The following ATAD3B variants were observed in gnomAD, a reference collection of about 807,000 sequenced individuals.
The protein encoded by ATAD3B is ATPase family AAA domain-containing protein 3B.
ATAD3B carries 59 observed loss-of-function variants against 70.2 expected under a neutral mutation model. The observed-to-expected ratio is 0.84, with a 90% CI of 0.68 to 1.04. The LOEUF (loss-of-function observed/expected upper bound fraction) is 1.04. ATAD3B is among the 50% of genes least tolerant of loss of function. ATAD3B has a pLI of 0.00. For synonymous variants in ATAD3B, 423 were observed against 388.6 expected, an observed-to-expected ratio of 1.09 and a Z score of -1.04; for missense variants, 961 against 913.4, an observed-to-expected ratio of 1.05 and a Z score of -0.67.
rs527434054 is a variant in ATAD3B at position 1,489,332 on chromosome 1, G to T, written c.1337+58G>T. ...GCAGGGCTGTGCAGCCGTCGCCCTT[G>T]GTTCCCACTGAGGGTCCCTGGCTCA... On this transcript the variant is annotated intron_variant, in intron 13 of 15. Transcript: ENST00000673477. The T allele has an allele frequency of 2.5e-5, 40 of 1,610,002 alleles. No individual in the cohort carries two copies. In the East Asian group the frequency reaches 6.5e-4, roughly 26 times the overall value.
chr1:1,478,299 C>G (rs1639705327), intron 2 of ATAD3B: 2 of 964,806 alleles, frequency 2.1e-6, no homozygotes, highest in Non-Finnish European at 3.0e-6. Flanking sequence ...GCCCGGCCCA[C>G]TCAGCAGGAT....
chr1:1,486,800 C>G (rs1457301612), intron 11 of ATAD3B, 132 bp downstream of exon 11: 1 of 1,484,756 alleles, frequency 6.7e-7, no homozygotes, highest in Non-Finnish European at 9.0e-7. Flanking sequence ...CGCAGGAGGC[C>G]CAATGGAGGG....
chr1:1,492,443 G>A lies in ATAD3B; in HGVS notation c.1614+1772G>A, dbSNP rs1426475927. Among the ~76,000 whole-genome samples the A allele has an allele frequency of 1.3e-5, 2 of 151,766 alleles. 1 individual carries two copies. Among genetic ancestry groups the A allele is most frequent in the Non-Finnish European group, 2.9e-5 (2 of 67,936 alleles). On this transcript the variant is annotated intron_variant, in intron 15 of 15. Coordinates refer to ENST00000673477, the MANE Select transcript of ATAD3B (RefSeq NM_031921.6). ...AGAGGATGCGGTGAGCTGAGATCAT[G>A]CCACTGCACTGTAGCCTGAGGGACA...
Position 1,496,784 on chromosome 1 carries a change from C to G in ATAD3B, c.*967C>G, listed in dbSNP as rs1640811182. 1 of 148,144 alleles carries G rather than the reference C, an allele frequency of 6.8e-6. No homozygotes were observed. The highest frequency in any genetic ancestry group is 2.6e-5 in the African/African-American group (1 of 39,068). 9.2% of individuals were successfully genotyped at this position (148,144 alleles called of 1,614,324 possible). A position where few individuals can be genotyped will look rare whatever the true frequency, so the allele number is the denominator to read the frequency against. On this transcript the variant is annotated 3_prime_UTR_variant, in exon 16 of 16. Coordinates refer to ENST00000673477, the MANE Select transcript of ATAD3B (RefSeq NM_031921.6). ...ACTGCAGCCCCTGTCCCCGCTGGCC[C>G]AGGCTTCCGGAGGCAGCTGCGTCCC... is the stretch of plus-strand genomic sequence containing the variant.
At chr1:1,500,785 C>G (rs1044916084), downstream of ATAD3B, among the ~76,000 whole-genome samples, 3 of 150,866 alleles carry the variant, frequency 2.0e-5, no homozygotes, top group African/African-American at 7.3e-5. Context: ...AACCCCGTCT[C>G]TACTAAAAAT....
intron 1 of ATAD3B, among the ~76,000 whole-genome samples, chr1:1,476,107 CT>C (rs1406453744): frequency 2.1e-5 from 3 of 142,008 alleles, no homozygotes; most frequent in Admixed American, 6.9e-5. Context: ...TGACCTGGCA[CT>C]GTCTTCCCTG....
At chr1:1,482,780 T>C (rs537733032) in intron 7 of ATAD3B, 166 bp downstream of exon 7, 19 of 1,134,276 alleles carry the variant, frequency 1.7e-5, no homozygotes, top group Admixed American at 1.4e-4. Context: ...CCTCCCTCCT[T>C]GAGCTGGGAG....
At chr1:1,482,796 A>C in intron 7 of ATAD3B, 182 bp downstream of exon 7, 12 of 973,812 alleles carry the variant, frequency 1.2e-5, no homozygotes, top group Non-Finnish European at 1.8e-5. Flanking sequence ...GGGAGAAAAA[A>C]ATGCAGTTGC....
At position 1,487,920 on chromosome 1, in the gene ATAD3B, T is replaced by C. The variant is rs774024590; in HGVS notation, c.1266+6T>C. On this transcript the variant is annotated splice_donor_region_variant and intron_variant, in intron 12 of 15. Transcript: ENST00000673477. The stretch of plus-strand genomic sequence containing the variant: ...TCCTTCGGAAGCGAGCCACTGTGAG[T>C]GTCACTAAGCCTCTGTCTGGCCACA... 5 of 1,612,878 alleles carry C rather than the reference T, an allele frequency of 3.1e-6. No individual in the cohort carries two copies. In the South Asian group the frequency reaches 4.4e-5, roughly 14 times the overall value.
At chr1:1,489,680 G>A in intron 13 of ATAD3B, 1 of 1,319,970 alleles carries the variant, frequency 7.6e-7, no homozygotes, top group Non-Finnish European at 1.0e-6. Flanking sequence ...TTGGTCTCCT[G>A]GGCCCCTCCA....
chr1:1,482,013 G>C (rs1227787134), intron 5 of ATAD3B, 125 bp from the exon 6 acceptor site: 19 of 1,437,406 alleles, frequency 1.3e-5, no homozygotes, highest in Non-Finnish European at 1.7e-5. Flanking sequence ...CGTGGCATGG[G>C]CCTGTCTGTG....
rs894648260 is a variant in ATAD3B, at chr1:1,489,936, C to G, written c.1338-321C>G. The G allele has an allele frequency of 3.6e-4, 443 of 1,243,196 alleles. 5 individuals carry two copies. Among genetic ancestry groups the G allele is most frequent in the Non-Finnish European group, 5.1e-5 (50 of 976,730 alleles). The allele number at this position is 1,243,196 out of a possible 1,614,324, so 77.0% of individuals were successfully genotyped here. A position where few individuals can be genotyped will look rare whatever the true frequency, so the allele number is the denominator to read the frequency against. On this transcript the variant is annotated intron_variant, in intron 13 of 15. Transcript: ENST00000673477. ...GGACTCTGGGTCCCGCATCCCTGCT[C>G]CCAGCACAGCGGGGCTCAGGTAGCA...
the ATAD3B span, among the ~76,000 whole-genome samples, chr1:1,504,450 G>C: frequency 6.6e-6 from 1 of 151,796 alleles, no homozygotes. Context: ...GGGAGTTCGA[G>C]ACCAGCCTGA....
At chr1:1,509,349 T>G in the ATAD3B span, 1 of 1,610,732 alleles carries the variant, frequency 6.2e-7, no homozygotes, top group Admixed American at 1.7e-5. Context: ...ACCCTCATCC[T>G]GAGTCCATGG....
intron 11 of ATAD3B, 70 bp from the exon 12 acceptor site, chr1:1,487,793 G>A (rs542039116): frequency 1.5e-5 from 24 of 1,579,736 alleles, no homozygotes; most frequent in Middle Eastern, 2.1e-4. Flanking sequence ...TGCTCCTGCC[G>A]CGGCCGGACG....
chr1:1,481,621 T>C (rs1346724074), intron 5 of ATAD3B, among the ~76,000 whole-genome samples: 1 of 124,308 alleles, frequency 8.0e-6, no homozygotes, highest in Non-Finnish European at 1.7e-5. Context: ...CGTTTAATGT[T>C]CAGTAGCCAG....
chr1:1,477,280 C>T lies in ATAD3B; in HGVS notation c.212C>T (p.Ala71Val), dbSNP rs779878636. 1.2e-6 allele frequency: 2 copies of T among 1,612,390 alleles called. No individual in the cohort carries two copies. Among genetic ancestry groups the T allele is most frequent in the Non-Finnish European group, 1.7e-6 (2 of 1,179,668 alleles). Reference sequence around the variant, plus strand: ...GTGCCACATGCGCCCGCAGGTTACGCCAAGGAGGCCCTGAATCTGGCGCAG... The same window carrying T: ...GTGCCACATGCGCCCGCAGGTTACGTCAAGGAGGCCCTGAATCTGGCGCAG... ...AARELEHSRY[A>V]KEALNLAQMQ... Residue 71 changes from alanine (A) to valine (V), a missense_variant, in exon 2 of 16, where the codon GCC becomes GTC. By Grantham distance (64) the Ala-to-Val change is moderately conservative. Around this residue, in one of 4 missense-constraint regions of ATAD3B, gnomAD observed 187 missense variants for 244.3 expected, o/e 0.77. Transcript: ENST00000673477.
Position 1,493,667 on chromosome 1 carries a change from G to A in ATAD3B, c.1615-1818G>A, listed in dbSNP as rs890873847. On this transcript the variant is annotated intron_variant, in intron 15 of 15. Coordinates refer to ENST00000673477, the MANE Select transcript of ATAD3B (RefSeq NM_031921.6). ...AAAAGTGTGTTGAATTTTGTCAAATGCTTTTCCTGCATGAGATGAGAGGGT... is the reference window on the plus strand; with the variant it reads ...AAAAGTGTGTTGAATTTTGTCAAATACTTTTCCTGCATGAGATGAGAGGGT... Among the ~76,000 whole-genome samples, 29 of 151,646 alleles carry A rather than the reference G, an allele frequency of 1.9e-4. 1 individual carries two copies. Among genetic ancestry groups the A allele is most frequent in the Non-Finnish European group, 4.1e-4 (28 of 67,898 alleles).
chr1:1,509,336 G>A, the ATAD3B span: 1 of 1,611,590 alleles, frequency 6.2e-7, no homozygotes, highest in South Asian at 1.1e-5. Context: ...CCGAGGACGA[G>A]CAACCCTCAT....
Sources: allele counts gnomAD v4.1 joint callset (sites outside exome capture counted in the v4.1 genomes callset), GRCh38; gene constraint gnomAD v4.1.1; regional missense constraint gnomAD v4.1.1; transcripts MANE v1.5; gene names NCBI Gene and HGNC (gene_info 2026-07-23, HGNC 2026-07-21).